Variants in ROBO2 observed in about 807,000 individuals in gnomAD.
ROBO2 encodes the protein roundabout homolog 2.
In ROBO2, 53 loss-of-function variants were observed where a neutral mutation model predicts 160.8. The observed-to-expected ratio is 0.33, with a 90% CI of 0.26 to 0.41. The LOEUF (loss-of-function observed/expected upper bound fraction) is 0.41. Among genes scored for constraint, ROBO2 ranks in the 10% least tolerant of loss-of-function variants. The pLI is 1.00. For missense variants in ROBO2, 1,577 were observed against 1,722.4 expected (o/e 0.92, Z 1.49); for synonymous variants, 664 against 611.7 (o/e 1.09, Z -1.26).
At chr3:76,822,934 G>C (rs551353694) in intron 2 of ROBO2, among the ~76,000 whole-genome samples, 2 of 151,912 alleles carry the variant, frequency 1.3e-5, no homozygotes, top group Admixed American at 6.6e-5. Flanking sequence ...GAAAAACAAG[G>C]TATTTTTCTT....
At chr3:76,127,076 T>C (rs1455808922) in intron 2 of ROBO2, among the ~76,000 whole-genome samples, 1 of 152,136 alleles carries the variant, frequency 6.6e-6, no homozygotes, top group Non-Finnish European at 1.5e-5. Flanking sequence ...TCATGAGAGT[T>C]CTTAGATGCT....
chr3:76,978,185 C>G (rs562790378), intron 2 of ROBO2, among the ~76,000 whole-genome samples: 3 of 152,218 alleles, frequency 2.0e-5, no homozygotes, highest in Admixed American at 1.3e-4. Flanking sequence ...AGCAGAGAAC[C>G]TACTTCAAGG....
chr3:77,471,744 T>C (rs1031698499), intron 2 of ROBO2, among the ~76,000 whole-genome samples: 1 of 152,100 alleles, frequency 6.6e-6, no homozygotes, highest in African/African-American at 2.4e-5. Flanking sequence ...GGTCAAATAC[T>C]TGAAGCTTAA....
chr3:77,389,238 C>T (rs1395713072), intron 2 of ROBO2, among the ~76,000 whole-genome samples: 2 of 152,194 alleles, frequency 1.3e-5, no homozygotes, highest in Admixed American at 6.5e-5. Context: ...GCCACCACGC[C>T]AGGCCTTATT....
intron 2 of ROBO2, among the ~76,000 whole-genome samples, chr3:76,804,156 G>A (rs1229300108): frequency 6.6e-6 from 1 of 152,168 alleles, no homozygotes; most frequent in Non-Finnish European, 1.5e-5. Context: ...AAACAAATGA[G>A]AGAACGATGA....
intron 2 of ROBO2, among the ~76,000 whole-genome samples, chr3:76,997,889 G>C (rs1045594460): frequency 6.6e-6 from 1 of 152,142 alleles, no homozygotes. Context: ...TGACCTCAGA[G>C]GGAGGGCTTA....
intron 2 of ROBO2, among the ~76,000 whole-genome samples, chr3:76,958,467 T>G (rs1351738638): frequency 6.6e-6 from 1 of 152,272 alleles, no homozygotes; most frequent in Non-Finnish European, 1.5e-5. Context: ...TGCAATGATG[T>G]AACTTTGCTG....
At chr3:77,619,536 G>T (rs1373736563) in intron 22 of ROBO2, among the ~76,000 whole-genome samples, 1 of 152,152 alleles carries the variant, frequency 6.6e-6, no homozygotes, top group African/African-American at 2.4e-5. Context: ...CCAACAAAGG[G>T]TGTGACATTA....
intron 2 of ROBO2, among the ~76,000 whole-genome samples, chr3:76,698,752 C>T (rs1477853957): frequency 6.6e-6 from 1 of 152,182 alleles, no homozygotes; most frequent in Non-Finnish European, 1.5e-5. Flanking sequence ...TGGTAGAAAA[C>T]TATTTATTTA....
At chr3:76,234,723 T>A (rs966841452) in intron 2 of ROBO2, among the ~76,000 whole-genome samples, 1 of 152,210 alleles carries the variant, frequency 6.6e-6, no homozygotes, top group Non-Finnish European at 1.5e-5. Flanking sequence ...AATTTATGTA[T>A]ATTTGCCTTT....
chr3:76,718,425 T>C (rs763146917), intron 2 of ROBO2, among the ~76,000 whole-genome samples: 4 of 152,262 alleles, frequency 2.6e-5, no homozygotes, highest in Non-Finnish European at 5.9e-5. Flanking sequence ...CATCAAATTC[T>C]GTTTCCATTG....
chr3:77,137,741 G>A (rs555673885), intron 2 of ROBO2, among the ~76,000 whole-genome samples: 2 of 152,180 alleles, frequency 1.3e-5, no homozygotes, highest in Non-Finnish European at 2.9e-5. Flanking sequence ...CTCCCCAGAC[G>A]ACTGCCTGCC....
chr3:76,340,253 C>A (rs191694903), intron 2 of ROBO2, among the ~76,000 whole-genome samples: 1 of 152,058 alleles, frequency 6.6e-6, no homozygotes, highest in Non-Finnish European at 1.5e-5. Context: ...CAAAAAAATT[C>A]ATGCTGGCAA....
At chr3:77,457,497 C>T (rs911314179) in intron 2 of ROBO2, among the ~76,000 whole-genome samples, 1 of 151,926 alleles carries the variant, frequency 6.6e-6, no homozygotes, top group East Asian at 1.9e-4. Context: ...GTTAAAATGC[C>T]TATATATAAA....
intron 2 of ROBO2, among the ~76,000 whole-genome samples, chr3:76,910,749 A>C (rs1345814542): frequency 1.3e-5 from 2 of 151,206 alleles, no homozygotes; most frequent in Non-Finnish European, 2.9e-5. Flanking sequence ...AAAAAAGAAA[A>C]AAAAAGAAAT....
At chr3:77,115,088 A>G (rs2074066627) in intron 2 of ROBO2, among the ~76,000 whole-genome samples, 2 of 152,130 alleles carry the variant, frequency 1.3e-5, no homozygotes, top group South Asian at 2.1e-4. Context: ...GAAACTCCAG[A>G]AAAGTTTTAA....
At chr3:76,419,836 C>A (rs1290045680) in intron 2 of ROBO2, among the ~76,000 whole-genome samples, 1 of 152,078 alleles carries the variant, frequency 6.6e-6, no homozygotes, top group African/African-American at 2.4e-5. Context: ...AATAAGTGTT[C>A]ATTTGATATT....
At chr3:76,324,934 G>A (rs1369569193) in intron 2 of ROBO2, among the ~76,000 whole-genome samples, 3 of 152,070 alleles carry the variant, frequency 2.0e-5, no homozygotes, top group South Asian at 4.1e-4. Context: ...GTGAAACCCC[G>A]TCTCTAATAA....
intron 2 of ROBO2, among the ~76,000 whole-genome samples, chr3:77,301,466 G>A (rs988565404): frequency 1.3e-5 from 2 of 152,084 alleles, no homozygotes; most frequent in Non-Finnish European, 2.9e-5. Flanking sequence ...GCATATGCAT[G>A]TATTACACCA....
Sources: gnomAD v4.1 joint callset for allele counts (sites outside exome capture counted in the v4.1 genomes callset) on GRCh38, gnomAD v4.1.1 for gene constraint, MANE v1.5 for transcripts, NCBI Gene and HGNC (gene_info 2026-07-23, HGNC 2026-07-21) for gene names.